SEMA5B: variants seen among roughly 807,000 people sequenced by gnomAD.
The protein encoded by SEMA5B is semaphorin-5B.
SEMA5B carries 66 observed loss-of-function variants against 135.0 expected under a neutral mutation model. That is an observed-to-expected ratio of 0.49 (90% CI 0.40 to 0.60). The LOEUF (loss-of-function observed/expected upper bound fraction) is 0.60, where lower values mean the gene tolerates loss of function less well. SEMA5B is among the 20% of genes least tolerant of loss of function. The pLI, the probability that SEMA5B is intolerant of heterozygous loss-of-function variation, is 0.00. For synonymous variants in SEMA5B, 690 were observed against 639.5 expected (o/e 1.08, Z -1.19); for missense variants, 1,501 against 1,566.3 (o/e 0.96, Z 0.70).
Position 122,913,007 on chromosome 3 carries a change from C to G in SEMA5B, c.2561G>C (p.Gly854Ala), listed in dbSNP as rs1422184175. ...SGSTSPHTVS[G>A]GWAAWGPWSS... Reference sequence around the variant, plus strand: ...CCACGGGCCCCAGGCGGCCCAGCCCCCGCTCACCGTGTGCGGGGAGGTGCT... The same window carrying G: ...CCACGGGCCCCAGGCGGCCCAGCCCGCGCTCACCGTGTGCGGGGAGGTGCT... The change falls in exon 18 of 23, where the codon GGG (glycine) becomes GCG (alanine). Residue 854 changes from glycine (G) to alanine (A), a missense_variant. By Grantham distance (60) the Gly-to-Ala change is moderately conservative. Transcript: ENST00000357599. The G allele has an allele frequency of 1.2e-6, 2 of 1,603,878 alleles. No homozygotes were observed. Among genetic ancestry groups the G allele is most frequent in the Non-Finnish European group, 1.7e-6 (2 of 1,175,588 alleles).
intron 1 of SEMA5B, among the ~76,000 whole-genome samples, chr3:123,010,117 T>C (rs995479674): frequency 8.5e-5 from 13 of 152,150 alleles, no homozygotes; most frequent in African/African-American, 3.1e-4. Context: ...TGGCTCTGGA[T>C]GGGTGAGAGG....
Position 123,004,643 on chromosome 3 carries a change from G to A in SEMA5B, c.-39+22821C>T, listed in dbSNP as rs565713540. ...TAGAATGACCCACCCCAGCTTCTCT[G>A]GAGAGCTGGGAGTTAAGGTGCAGAC... On this transcript the variant is annotated intron_variant, in intron 1 of 22. Coordinates refer to ENST00000357599, the MANE Select transcript of SEMA5B (RefSeq NM_001031702.4). Among the ~76,000 whole-genome samples, 4 of 152,288 alleles carry A rather than the reference G, an allele frequency of 2.6e-5. No individual in the cohort carries two copies. The South Asian group carries it at 8.3e-4, about 32-fold the overall frequency.
At chr3:122,972,173 T>A (rs1051266922) in intron 1 of SEMA5B, among the ~76,000 whole-genome samples, 2 of 152,214 alleles carry the variant, frequency 1.3e-5, no homozygotes, top group African/African-American at 4.8e-5. Context: ...TACTCCACTG[T>A]CTGTGGTGAC....
chr3:122,994,365 T>C (rs995839203), intron 1 of SEMA5B, among the ~76,000 whole-genome samples: 4 of 152,170 alleles, frequency 2.6e-5, no homozygotes, highest in African/African-American at 4.8e-5. Flanking sequence ...CAGGACCCCA[T>C]CTATGGCTTT....
At chr3:122,983,002 G>C (rs1181672538) in intron 1 of SEMA5B, among the ~76,000 whole-genome samples, 1 of 152,204 alleles carries the variant, frequency 6.6e-6, no homozygotes, top group Admixed American at 6.5e-5. Flanking sequence ...GCGTGCCTCT[G>C]ATCACAGAAG....
intron 1 of SEMA5B, among the ~76,000 whole-genome samples, chr3:123,015,645 G>A (rs1942538711): frequency 1.3e-5 from 2 of 152,174 alleles, no homozygotes; most frequent in Non-Finnish European, 2.9e-5. Context: ...AGCGAGAAGA[G>A]ATGGAACCCA....
chr3:122,927,548 G>A (rs371682609), intron 8 of SEMA5B, among the ~76,000 whole-genome samples: 18 of 152,126 alleles, frequency 1.2e-4, no homozygotes, highest in Middle Eastern at 3.4e-3. Context: ...AATTATCTCC[G>A]TCTCTCCTAA....
chr3:122,915,561 G>T lies in SEMA5B; in HGVS notation c.1867C>A (p.His623Asn). Residue 623 changes from histidine to asparagine, a missense_variant, in exon 14 of 23, where the codon CAC becomes AAC. Physicochemically the swap from His to Asn is moderately conservative, Grantham distance 68 (BLOSUM62 1). Transcript: ENST00000357599. ...GAGCCTGAGTTGTCCCCATCCAAGT[G>T]CTCACATGGTTGCCATGGTGACCAT... ...GPWSPWQPCE[H>N]LDGDNSGSCL... The T allele has an allele frequency of 3.1e-6, 5 of 1,614,100 alleles. No individual in the cohort carries two copies. Among genetic ancestry groups the T allele is most frequent in the Non-Finnish European group, 4.2e-6 (5 of 1,179,976 alleles).
At chr3:122,943,750 G>A (rs913290159) in intron 3 of SEMA5B, among the ~76,000 whole-genome samples, 1 of 152,048 alleles carries the variant, frequency 6.6e-6, no homozygotes, top group African/African-American at 2.4e-5. Flanking sequence ...CTCAGAGGAG[G>A]GCACTACCCT....
At chr3:122,940,899 T>C (rs1397429140) in intron 4 of SEMA5B, among the ~76,000 whole-genome samples, 1 of 152,238 alleles carries the variant, frequency 6.6e-6, no homozygotes, top group Non-Finnish European at 1.5e-5. Flanking sequence ...AGCTGCCTGC[T>C]TAGGTAACAC....
At chr3:122,964,596 C>T (rs1487660557) in intron 1 of SEMA5B, among the ~76,000 whole-genome samples, 2 of 152,212 alleles carry the variant, frequency 1.3e-5, no homozygotes, top group African/African-American at 2.4e-5. Flanking sequence ...GTCTCTCTCT[C>T]CCACTGTTCC....
At chr3:122,963,364 G>A (rs916387218) in intron 1 of SEMA5B, among the ~76,000 whole-genome samples, 5 of 151,934 alleles carry the variant, frequency 3.3e-5, no homozygotes, top group Non-Finnish European at 7.4e-5. Flanking sequence ...GTGGTGGTCC[G>A]CACCTGTATT....
chr3:123,007,021 A>G (rs1235156815), intron 1 of SEMA5B, among the ~76,000 whole-genome samples: 1 of 152,188 alleles, frequency 6.6e-6, no homozygotes, highest in Non-Finnish European at 1.5e-5. Flanking sequence ...CCAGAAAAGC[A>G]TGAGGAATGA....
At chr3:122,927,732 T>C in intron 8 of SEMA5B, 58 bp downstream of exon 8, 2 of 1,246,948 alleles carry the variant, frequency 1.6e-6, no homozygotes, top group Non-Finnish European at 2.1e-6. Flanking sequence ...GGGCTCAGGG[T>C]GGGCTGGTGG....
Position 122,943,491 on chromosome 3 carries a change from C to A in SEMA5B, c.373G>T (p.Asp125Tyr), listed in dbSNP as rs756746414. The change falls in exon 4 of 23, where the codon GAT becomes TAT. Residue 125 changes from aspartate (D) to tyrosine (Y), a missense_variant. By Grantham distance (160) the Asp-to-Tyr change is radical. Transcript: ENST00000357599. ...VSNFTYPGAR[D>Y]FSQLALDPSG... ...GGGTCCAAAGCCAGCTGGGAGAAAT[C>A]CCGGGCTCCAGGGTAGGTGAAGTTA... 1.2e-6 allele frequency: 2 copies of A among 1,610,464 alleles called. No individual in the cohort carries two copies.
intron 1 of SEMA5B, among the ~76,000 whole-genome samples, chr3:123,020,700 C>T (rs1444606886): frequency 2.0e-5 from 3 of 152,098 alleles, no homozygotes; most frequent in Non-Finnish European, 4.4e-5. Context: ...AATACCAGTG[C>T]CCAGGCTCCC....
At chr3:123,014,898 G>T (rs555851776) in intron 1 of SEMA5B, among the ~76,000 whole-genome samples, 1 of 152,198 alleles carries the variant, frequency 6.6e-6, no homozygotes, top group African/African-American at 2.4e-5. Context: ...AAATAGGATT[G>T]TTGCAGATGT....
In SEMA5B at chr3:122,941,933, C is replaced by T. The variant is rs536253257; in HGVS notation, c.428+1503G>A. Among the ~76,000 whole-genome samples the T allele has an allele frequency of 1.5e-4, 23 of 152,288 alleles. 1 individual carries two copies. In the East Asian group the frequency reaches 1.9e-3, roughly 13 times the overall value. The stretch of plus-strand genomic sequence containing the variant: ...CAAAATAGAGAGTAAAACAATTACT[C>T]TCTTTGCTGGGAAAATAAAGTCCAT... On this transcript the variant is annotated intron_variant, in intron 4 of 22. Transcript: ENST00000357599.
intron 1 of SEMA5B, among the ~76,000 whole-genome samples, chr3:122,963,294 C>T (rs756420284): frequency 6.6e-6 from 1 of 152,012 alleles, no homozygotes; most frequent in African/African-American, 2.4e-5. Context: ...ATCAGGAGTT[C>T]GAGACCAGCC....
Sources: gnomAD v4.1 joint callset for allele counts (sites outside exome capture counted in the v4.1 genomes callset) on GRCh38, gnomAD v4.1.1 for gene constraint, MANE v1.5 for transcripts, NCBI Gene and HGNC (gene_info 2026-07-23, HGNC 2026-07-21) for gene names.